EFR3B: variants seen among roughly 807,000 people sequenced by gnomAD.
The protein encoded by EFR3B is EFR3 homolog B.
In EFR3B, 64 loss-of-function variants were observed where a neutral mutation model predicts 104.7. The observed-to-expected ratio is 0.61, with a 90% CI of 0.50 to 0.75. The LOEUF (loss-of-function observed/expected upper bound fraction) is 0.75. Among genes scored for constraint, EFR3B ranks in the 30% least tolerant of loss-of-function variants. The pLI is 0.00. For synonymous variants in EFR3B, 385 were observed against 417.9 expected, an observed-to-expected ratio of 0.92 and a Z score of 0.96; for missense variants, 750 against 1,078.5, an observed-to-expected ratio of 0.70 and a Z score of 4.27.
chr2:25,121,774 T>C lies in EFR3B; in HGVS notation c.465T>C (p.Asp155=), dbSNP rs528593046. ...RFSEMCHSSH[D]DLEIKTKIRM... is the part of the protein sequence containing the mutation. ...GTGAAATGTGCCACTCGAGCCATGA[T>C]GACTTAGAAATCAAGACCAAGTGAG... The change falls in exon 5 of 23, where the codon GAT becomes GAC. Residue 155 remains aspartate, a synonymous_variant. Transcript: ENST00000403714. 40 of 1,551,846 alleles carry C rather than the reference T, an allele frequency of 2.6e-5. No individual in the cohort carries two copies. The South Asian group carries it at 4.8e-4, about 18-fold the overall frequency.
intron 1 of EFR3B, among the ~76,000 whole-genome samples, chr2:25,049,090 T>G (rs966378153): frequency 1.3e-5 from 2 of 152,278 alleles, no homozygotes; most frequent in African/African-American, 2.4e-5. Flanking sequence ...TATTGTTCAA[T>G]TGCTTTCAGT....
intron 3 of EFR3B, among the ~76,000 whole-genome samples, chr2:25,101,810 C>G (rs1049755177): frequency 6.6e-6 from 1 of 151,712 alleles, no homozygotes; most frequent in Non-Finnish European, 1.5e-5. Context: ...ATCTAGCATT[C>G]TGCCCGGGAA....
chr2:25,089,534 C>T (rs1038110781), intron 1 of EFR3B, among the ~76,000 whole-genome samples: 2 of 152,134 alleles, frequency 1.3e-5, no homozygotes, highest in African/African-American at 2.4e-5. Flanking sequence ...GAGCGTGGAG[C>T]GTGTGCTACC....
chr2:25,092,951 C>T, intron 2 of EFR3B, 52 bp from the exon 3 acceptor site: 1 of 1,521,076 alleles, frequency 6.6e-7, no homozygotes, highest in Non-Finnish European at 8.8e-7. Context: ...TAGACTTGAA[C>T]TCGTCTAGCC....
Position 25,157,954 on chromosome 2 carries a change from G to A in EFR3B, c.*3614G>A, listed in dbSNP as rs1671219554. On this transcript the variant is annotated 3_prime_UTR_variant, in exon 23 of 23. Coordinates refer to ENST00000403714, the MANE Select transcript of EFR3B (RefSeq NM_014971.2). ...ATACACAGATATCAATGGATGAGCA[G>A]GAAAAGAGGAGGCCTGGACTCACTG... 1 of 152,358 alleles carries A rather than the reference G, an allele frequency of 6.6e-6. No individual in the cohort carries two copies. Among genetic ancestry groups the A allele is most frequent in the Non-Finnish European group, 1.5e-5 (1 of 68,174 alleles). The allele number at this position is 152,358 out of a possible 1,614,324, so 9.4% of individuals were successfully genotyped here.
chr2:25,121,381 C>T (rs1430258627), intron 4 of EFR3B, among the ~76,000 whole-genome samples: 3 of 152,238 alleles, frequency 2.0e-5, no homozygotes, highest in East Asian at 1.9e-4. Context: ...CTGGATGGAG[C>T]GATGAGGGCA....
chr2:25,118,978 C>T (rs1669942776), intron 4 of EFR3B, among the ~76,000 whole-genome samples: 1 of 151,888 alleles, frequency 6.6e-6, no homozygotes, highest in Non-Finnish European at 1.5e-5. Flanking sequence ...TAATTTTGGC[C>T]ATTCATTCTC....
chr2:25,042,252 G>C lies in EFR3B; in HGVS notation c.-61G>C. ...CTGTGAATGAAAGGCGGGCGCCGCC[G>C]AGGGCTGGCTGGGAACGCCGCAGCG... is the stretch of plus-strand genomic sequence containing the variant. On this transcript the variant is annotated 5_prime_UTR_variant, in exon 1 of 23. Transcript: ENST00000403714. The surrounding 1 kb of genome is among the most constrained non-coding windows in gnomAD (Gnocchi z 5.4). 2.3e-6 allele frequency: 3 copies of C among 1,304,112 alleles called. No homozygotes were observed. The highest frequency in any genetic ancestry group is 2.9e-6 in the Non-Finnish European group (3 of 1,026,544). The allele number at this position is 1,304,112 out of a possible 1,614,324, so 80.8% of individuals were successfully genotyped here. A position where few individuals can be genotyped will look rare whatever the true frequency, so the allele number is the denominator to read the frequency against.
chr2:25,143,574 C>T (rs1215547304), intron 17 of EFR3B, among the ~76,000 whole-genome samples, 161 bp from the exon 18 acceptor site: 1 of 151,924 alleles, frequency 6.6e-6, no homozygotes, highest in East Asian at 1.9e-4. Flanking sequence ...GCAGGAGAAT[C>T]GCTTGAACCT....
chr2:25,139,112 C>G lies in EFR3B; in HGVS notation c.1776C>G (p.Leu592=). ...TGCCTGTCTACAACCGCTGTGCCCT[C>G]TATGCTCTGGGCGCAGCCTACCTGA... ...ENLPVYNRCA[L]YALGAAYLNL... is the part of the protein sequence containing the mutation. The change falls in exon 16 of 23, where the codon CTC becomes CTG. Residue 592 remains leucine (L), a synonymous_variant. Transcript: ENST00000403714. 1 of 1,551,766 alleles carries G rather than the reference C, an allele frequency of 6.4e-7. No homozygotes were observed. The highest frequency in any genetic ancestry group is 8.7e-7 in the Non-Finnish European group (1 of 1,146,996).
intron 1 of EFR3B, among the ~76,000 whole-genome samples, chr2:25,070,531 A>G (rs1264120721): frequency 2.6e-5 from 4 of 152,056 alleles, no homozygotes; most frequent in Non-Finnish European, 5.9e-5. Flanking sequence ...CCAAAGTGCT[A>G]GGATTACAGG....
chr2:25,089,258 G>A (rs1669046054), intron 1 of EFR3B, among the ~76,000 whole-genome samples: 1 of 152,140 alleles, frequency 6.6e-6, no homozygotes, highest in Non-Finnish European at 1.5e-5. Context: ...CAGCCCCCTT[G>A]GGGCACTGTG....
chr2:25,053,053 C>T (rs1311948091), intron 1 of EFR3B, among the ~76,000 whole-genome samples: 2 of 152,168 alleles, frequency 1.3e-5, no homozygotes, highest in African/African-American at 4.8e-5. Flanking sequence ...ATCACACTGT[C>T]CCTAGAACAT....
chr2:25,141,272 G>A (rs1228250358), intron 16 of EFR3B, 94 bp from the exon 17 acceptor site: 6 of 1,330,692 alleles, frequency 4.5e-6, no homozygotes, highest in East Asian at 2.6e-5. Context: ...GTGGGAGGGA[G>A]GAAGCACCGA....
At chr2:25,068,012 T>G (rs962170071) in intron 1 of EFR3B, among the ~76,000 whole-genome samples, 1 of 152,078 alleles carries the variant, frequency 6.6e-6, no homozygotes, top group African/African-American at 2.4e-5. Context: ...CATTGTAGGC[T>G]GTTTCCAAAC....
chr2:25,129,991 C>G lies in EFR3B; in HGVS notation c.652C>G (p.Leu218Val), dbSNP rs1336211088. 6.4e-7 allele frequency: 1 copy of G among 1,551,710 alleles called. No individual in the cohort carries two copies. Among genetic ancestry groups the G allele is most frequent in the Non-Finnish European group, 8.7e-7 (1 of 1,147,022 alleles). Residue 218 changes from leucine (L) to valine (V), a missense_variant, in exon 7 of 23, where the codon CTC (leucine) becomes GTC (valine). Transcript: ENST00000403714. ...EEAESRSPSP[L>V]QAPEKEKESP... is the part of the protein sequence containing the mutation. ...TCTCCCCAGCCGGTCTCCCTCACCC[C>G]TCCAAGCACCTGAGAAGGAGAAAGA...
intron 1 of EFR3B, among the ~76,000 whole-genome samples, chr2:25,082,407 C>T (rs1668834450): frequency 6.6e-6 from 1 of 152,154 alleles, no homozygotes; most frequent in Non-Finnish European, 1.5e-5. Flanking sequence ...AGACTGGTCC[C>T]AGTGAGCCTG....
Position 25,103,599 on chromosome 2 carries a change from G to A in EFR3B, c.213-38G>A, listed in dbSNP as rs1467164156. On this transcript the variant is annotated intron_variant, in intron 3 of 22. Coordinates refer to ENST00000403714, the MANE Select transcript of EFR3B (RefSeq NM_014971.2). ...GCCCTGGTTGGGCCATGGGGTGGCA[G>A]GGGCGCGGCCAGTGACGGCATGTGC... 5 of 1,534,862 alleles carry A rather than the reference G, an allele frequency of 3.3e-6. No individual in the cohort carries two copies. The Admixed American group carries it at 9.9e-5, about 30-fold the overall frequency.
chr2:25,131,370 G>A lies in EFR3B; in HGVS notation c.852G>A (p.Pro284=), dbSNP rs1416443427. 6.5e-7 allele frequency: 1 copy of A among 1,550,238 alleles called. No individual in the cohort carries two copies. The highest frequency in any genetic ancestry group is 1.2e-5 in the South Asian group (1 of 84,006). ...CCCAGCTCATCTTCCTCCCGCAGCC[G>A]CAGCACTCACACCTGGTCATCCAGC... ...CFKIIMYSIQ[P]QHSHLVIQQL... is the part of the protein sequence containing the mutation. Residue 284 remains proline, a splice_region_variant and synonymous_variant, in exon 9 of 23, where the codon CCG becomes CCA. Transcript: ENST00000403714. The surrounding 1 kb of genome is among the most constrained non-coding windows in gnomAD (Gnocchi z 7.6).
Sources: gnomAD v4.1 joint callset for allele counts (sites outside exome capture counted in the v4.1 genomes callset) on GRCh38, gnomAD v4.1.1 for gene constraint, Gnocchi (gnomAD v3.1) non-coding constraint, MANE v1.5 for transcripts, NCBI Gene and HGNC (gene_info 2026-07-23, HGNC 2026-07-21) for gene names.